SPON1: variants seen among roughly 807,000 people sequenced by gnomAD.
The protein encoded by SPON1 is spondin-1.
A neutral mutation model predicts 111.7 loss-of-function variants in SPON1; 52 were observed. The ratio of observed to expected loss-of-function variants is 0.47; its 90% CI spans 0.37 to 0.59. The LOEUF (loss-of-function observed/expected upper bound fraction) is 0.59, where lower values mean the gene tolerates loss of function less well. Ranked by LOEUF, SPON1 falls within the 20% of genes least tolerant of loss-of-function variation. The pLI, the probability that SPON1 is intolerant of heterozygous loss-of-function variation, is 0.00. For synonymous variants in SPON1, 410 were observed against 395.8 expected, an observed-to-expected ratio of 1.04 and a Z score of -0.43; for missense variants, 957 against 1,068.5, an observed-to-expected ratio of 0.90 and a Z score of 1.46.
chr11:14,048,056 A>G (rs1848682473), intron 3 of SPON1, among the ~76,000 whole-genome samples: 1 of 152,178 alleles, frequency 6.6e-6, no homozygotes, highest in Non-Finnish European at 1.5e-5. Flanking sequence ...CCTGGCCAAC[A>G]TGGTGAAACC....
intron 2 of SPON1, among the ~76,000 whole-genome samples, chr11:14,034,510 C>T (rs147744859): frequency 3.9e-5 from 6 of 152,302 alleles, no homozygotes; most frequent in African/African-American, 1.2e-4. Context: ...TTCTCTGGAT[C>T]GAGAGAAATA....
chr11:14,255,277 A>G (rs1344054527), intron 8 of SPON1, among the ~76,000 whole-genome samples: 1 of 152,230 alleles, frequency 6.6e-6, no homozygotes, highest in Non-Finnish European at 1.5e-5. Flanking sequence ...CAGACACAAT[A>G]TGGTTCACAA....
intron 6 of SPON1, among the ~76,000 whole-genome samples, chr11:14,179,490 A>G (rs1455673024): frequency 6.6e-6 from 1 of 152,046 alleles, no homozygotes; most frequent in African/African-American, 2.4e-5. Flanking sequence ...GGCCAGCTCA[A>G]TTGTCATTTC....
intron 2 of SPON1, among the ~76,000 whole-genome samples, chr11:14,001,608 G>A (rs1848319643): frequency 6.6e-6 from 1 of 152,198 alleles, no homozygotes; most frequent in Admixed American, 6.5e-5. Context: ...TTAATCAAAA[G>A]ATAGACCGTT....
chr11:14,163,902 C>T (rs1847997621), intron 6 of SPON1, among the ~76,000 whole-genome samples: 2 of 152,048 alleles, frequency 1.3e-5, no homozygotes, highest in African/African-American at 4.8e-5. Flanking sequence ...TTGCCCAGCA[C>T]AGTTGTCCCC....
intron 3 of SPON1, among the ~76,000 whole-genome samples, chr11:14,065,942 T>TCTGAGTCCACTTC (rs529179949): frequency 2.4e-4 from 36 of 152,238 alleles, no homozygotes; most frequent in African/African-American, 8.2e-4. Flanking sequence ...CTCAAGGGGC[T>TCTGAGTCCACTTC]CTGAGTTTAA....
At chr11:14,132,158 A>T (rs1439987839) in intron 5 of SPON1, among the ~76,000 whole-genome samples, 1 of 152,074 alleles carries the variant, frequency 6.6e-6, no homozygotes, top group Admixed American at 6.5e-5. Flanking sequence ...GACGCCTGTA[A>T]TCCCAGCTAC....
chr11:14,131,262 G>T (rs984995528), intron 5 of SPON1, among the ~76,000 whole-genome samples: 6 of 152,168 alleles, frequency 3.9e-5, no homozygotes, highest in Non-Finnish European at 5.9e-5. Flanking sequence ...CCTCAGTTTT[G>T]CTCCTTCCTT....
intron 6 of SPON1, among the ~76,000 whole-genome samples, chr11:14,221,686 C>T (rs969447678): frequency 6.6e-6 from 1 of 152,178 alleles, no homozygotes; most frequent in Non-Finnish European, 1.5e-5. Flanking sequence ...ACCCAGCTCT[C>T]CCTCCATCTC....
intron 1 of SPON1, among the ~76,000 whole-genome samples, chr11:13,980,731 T>A (rs564065631): frequency 6.6e-6 from 1 of 152,356 alleles, no homozygotes; most frequent in Non-Finnish European, 1.5e-5. Context: ...TCAAATGAAT[T>A]GATTTTTTAA....
intron 6 of SPON1, among the ~76,000 whole-genome samples, chr11:14,216,336 C>T (rs1425761210): frequency 6.6e-6 from 1 of 152,164 alleles, no homozygotes; most frequent in Non-Finnish European, 1.5e-5. Context: ...CTGAACAGAT[C>T]TTTAAGTATT....
chr11:14,120,248 A>G (rs1327651229), intron 5 of SPON1, among the ~76,000 whole-genome samples: 6 of 152,152 alleles, frequency 3.9e-5, no homozygotes, highest in African/African-American at 7.2e-5. Context: ...CCCAATTCCC[A>G]GGGTAATATT....
At chr11:14,187,391 C>A (rs1313157611) in intron 6 of SPON1, among the ~76,000 whole-genome samples, 1 of 152,158 alleles carries the variant, frequency 6.6e-6, no homozygotes, top group African/African-American at 2.4e-5. Flanking sequence ...TAACTCCCAC[C>A]ACTAGGCAGA....
chr11:14,136,736 T>C (rs1847596949), intron 6 of SPON1, among the ~76,000 whole-genome samples: 1 of 152,198 alleles, frequency 6.6e-6, no homozygotes, highest in African/African-American at 2.4e-5. Context: ...CTTTCCTCCT[T>C]TCTTGGAAAA....
At chr11:14,098,838 T>C (rs1849122617) in intron 5 of SPON1, among the ~76,000 whole-genome samples, 1 of 152,202 alleles carries the variant, frequency 6.6e-6, no homozygotes, top group African/African-American at 2.4e-5. Flanking sequence ...GAGTCCTTTC[T>C]ACCATGCCTC....
At chr11:14,205,546 T>C (rs1316652027) in intron 6 of SPON1, among the ~76,000 whole-genome samples, 2 of 152,232 alleles carry the variant, frequency 1.3e-5, no homozygotes, top group African/African-American at 4.8e-5. Context: ...TAACTACTTC[T>C]GTTTAGGTCG....
intron 5 of SPON1, among the ~76,000 whole-genome samples, chr11:14,083,956 C>T (rs982569748): frequency 2.0e-5 from 3 of 152,168 alleles, no homozygotes; most frequent in African/African-American, 7.2e-5. Context: ...GCTAGTCCAG[C>T]TTGCACCTCA....
At chr11:14,202,183 G>A (rs782129088) in intron 6 of SPON1, among the ~76,000 whole-genome samples, 8 of 152,182 alleles carry the variant, frequency 5.3e-5, no homozygotes, top group Admixed American at 2.0e-4. Flanking sequence ...GGCAGTCACC[G>A]AGGAAACGTT....
intron 6 of SPON1, among the ~76,000 whole-genome samples, chr11:14,241,645 A>G (rs1670575733): frequency 6.6e-6 from 1 of 152,110 alleles, no homozygotes; most frequent in Admixed American, 6.5e-5. Flanking sequence ...CATGAGGCAT[A>G]TGAGATGACT....
Sources: gnomAD v4.1 joint callset for allele counts (sites outside exome capture counted in the v4.1 genomes callset) on GRCh38, gnomAD v4.1.1 for gene constraint, MANE v1.5 for transcripts, NCBI Gene and HGNC (gene_info 2026-07-23, HGNC 2026-07-21) for gene names.